CTNNA3: variants seen among roughly 807,000 people sequenced by gnomAD.
The protein encoded by CTNNA3 is catenin alpha 3, also known as catenin alpha-3.
Under a neutral mutation model 95.7 loss-of-function variants are expected in CTNNA3, and 76 were observed. That is an observed-to-expected ratio of 0.79 (90% CI 0.66 to 0.96). The LOEUF is 0.96. Ranked by LOEUF, CTNNA3 falls within the 40% of genes least tolerant of loss-of-function variation. The probability of loss-of-function intolerance (pLI) is 0.00; values close to 1 mark genes in which losing one functional copy is unlikely to be tolerated. For synonymous variants in CTNNA3, 431 were observed against 374.4 expected (o/e 1.15, Z -1.74); for missense variants, 1,191 against 1,089.8 (o/e 1.09, Z -1.31).
intron 5 of CTNNA3, among the ~76,000 whole-genome samples, chr10:67,439,265 T>C (rs73266273): frequency 9.9e-4 from 151 of 152,176 alleles, no homozygotes; most frequent in African/African-American, 3.5e-3. Flanking sequence ...TGTTCTTGCA[T>C]TGTGATAAAG....
chr10:67,395,240 C>T (rs998746847), intron 5 of CTNNA3, among the ~76,000 whole-genome samples: 12 of 152,156 alleles, frequency 7.9e-5, no homozygotes, highest in African/African-American at 2.7e-4. Flanking sequence ...TGCTTTGCAG[C>T]TTGACCAGCA....
intron 7 of CTNNA3, among the ~76,000 whole-genome samples, chr10:66,824,458 T>C (rs1449421490): frequency 1.3e-5 from 2 of 152,180 alleles, no homozygotes; most frequent in Non-Finnish European, 2.9e-5. Flanking sequence ...AGCACTTCTT[T>C]ACAGGAAACC....
At chr10:67,234,615 C>T (rs1214721765) in intron 5 of CTNNA3, among the ~76,000 whole-genome samples, 5 of 151,608 alleles carry the variant, frequency 3.3e-5, no homozygotes, top group South Asian at 2.1e-4. Flanking sequence ...GACAGGGATG[C>T]CCTCTCTCAC....
chr10:66,126,703 C>A (rs2082843784), intron 13 of CTNNA3, among the ~76,000 whole-genome samples: 1 of 152,230 alleles, frequency 6.6e-6, no homozygotes, highest in Non-Finnish European at 1.5e-5. Flanking sequence ...ATAGCCATAT[C>A]TGGAATAATT....
chr10:66,341,819 C>G (rs1009089176), intron 12 of CTNNA3, among the ~76,000 whole-genome samples: 1 of 151,732 alleles, frequency 6.6e-6, no homozygotes, highest in Admixed American at 6.6e-5. Context: ...GGGTTGCTTT[C>G]TACTGTTGAT....
intron 7 of CTNNA3, among the ~76,000 whole-genome samples, chr10:66,896,886 C>T (rs900164962): frequency 3.3e-5 from 5 of 152,142 alleles, no homozygotes; most frequent in Admixed American, 2.6e-4. Flanking sequence ...TTCCTTGTTG[C>T]GCTCCTGCAG....
chr10:67,086,709 T>C (rs1291155411), intron 7 of CTNNA3, among the ~76,000 whole-genome samples: 2 of 152,018 alleles, frequency 1.3e-5, no homozygotes, highest in Non-Finnish European at 2.9e-5. Context: ...AAATCATATA[T>C]AGAGCCTCTC....
chr10:66,143,832 T>C (rs988613530), intron 13 of CTNNA3, among the ~76,000 whole-genome samples: 3 of 152,192 alleles, frequency 2.0e-5, no homozygotes, highest in Non-Finnish European at 2.9e-5. Flanking sequence ...ATATATATGT[T>C]ACAATTTTCA....
chr10:66,148,281 T>C (rs1216591008), intron 13 of CTNNA3, among the ~76,000 whole-genome samples: 1 of 152,100 alleles, frequency 6.6e-6, no homozygotes, highest in African/African-American at 2.4e-5. Flanking sequence ...TTATATTTTA[T>C]GTAAACCAGT....
At chr10:67,318,889 C>T (rs1841183220) in intron 5 of CTNNA3, among the ~76,000 whole-genome samples, 1 of 152,236 alleles carries the variant, frequency 6.6e-6, no homozygotes, top group Non-Finnish European at 1.5e-5. Context: ...GCAGACCTAA[C>T]TGCTACCCTT....
chr10:67,413,714 T>C (rs1845454372), intron 5 of CTNNA3, among the ~76,000 whole-genome samples: 1 of 152,062 alleles, frequency 6.6e-6, no homozygotes, highest in Non-Finnish European at 1.5e-5. Flanking sequence ...AGAAAGAAAT[T>C]GAAACTATAC....
intron 1 of CTNNA3, among the ~76,000 whole-genome samples, chr10:67,722,586 T>C (rs1841185524): frequency 6.6e-6 from 1 of 152,198 alleles, no homozygotes; most frequent in Admixed American, 6.5e-5. Flanking sequence ...ATTTTCTCTC[T>C]TCCTTTACAA....
intron 5 of CTNNA3, among the ~76,000 whole-genome samples, chr10:67,454,413 A>G (rs1052846126): frequency 6.6e-6 from 1 of 152,158 alleles, no homozygotes. Context: ...CTGTATTGGA[A>G]AGCTTAGGCC....
chr10:67,551,206 A>G (rs1841017910), intron 3 of CTNNA3, among the ~76,000 whole-genome samples: 1 of 152,146 alleles, frequency 6.6e-6, no homozygotes, highest in South Asian at 2.1e-4. Context: ...GGAGGAATAC[A>G]CAAGCAGCTG....
intron 2 of CTNNA3, among the ~76,000 whole-genome samples, chr10:67,641,678 TA>T (rs1352272367): frequency 3.3e-5 from 5 of 152,112 alleles, no homozygotes; most frequent in Admixed American, 3.3e-4. Flanking sequence ...TATGCAGCCA[TA>T]AAAAATGATG....
At chr10:66,816,822 G>GGATTTAAATTAACTTAAAAGGC (rs1338454089) in intron 7 of CTNNA3, among the ~76,000 whole-genome samples, 5 of 151,990 alleles carry the variant, frequency 3.3e-5, no homozygotes, top group African/African-American at 1.2e-4. Context: ...ATAATATAAA[G>GGATTTAAATTAACTTAAAAGGC]TACGTCCTCC....
At chr10:67,267,177 G>T (rs913947355) in intron 5 of CTNNA3, among the ~76,000 whole-genome samples, 1 of 152,036 alleles carries the variant, frequency 6.6e-6, no homozygotes, top group Admixed American at 6.6e-5. Flanking sequence ...TGGATAAAAC[G>T]AAAAGAAATA....
At chr10:67,026,268 G>GA (rs1853384211) in intron 7 of CTNNA3, among the ~76,000 whole-genome samples, 1 of 150,094 alleles carries the variant, frequency 6.7e-6, no homozygotes, top group Non-Finnish European at 1.5e-5. Context: ...TAATAATTAA[G>GA]AAAAAAAAGA....
At chr10:66,757,533 C>T (rs1839411439) in intron 9 of CTNNA3, among the ~76,000 whole-genome samples, 1 of 152,108 alleles carries the variant, frequency 6.6e-6, no homozygotes, top group Admixed American at 6.6e-5. Context: ...TAAGCAGTTA[C>T]TTAAGAGTTA....
Sources: allele counts gnomAD v4.1 joint callset (sites outside exome capture counted in the v4.1 genomes callset), GRCh38; gene constraint gnomAD v4.1.1; transcripts MANE v1.5; gene names NCBI Gene and HGNC (gene_info 2026-07-23, HGNC 2026-07-21).